CEP72: variants seen among roughly 807,000 people sequenced by gnomAD.
The protein encoded by CEP72 is centrosomal protein of 72 kDa.
In CEP72, 78 loss-of-function variants were observed where a neutral mutation model predicts 65.7. The ratio of observed to expected loss-of-function variants is 1.19; its 90% confidence interval spans 0.99 to 1.43. The LOEUF (loss-of-function observed/expected upper bound fraction) is 1.43, where lower values mean the gene tolerates loss of function less well. Among genes scored for constraint, CEP72 ranks in the 40% most tolerant of loss-of-function variants. CEP72 has a pLI of 0.00. For synonymous variants in CEP72, 358 were observed against 351.7 expected (o/e 1.02, Z -0.20); for missense variants, 914 against 832.9 (o/e 1.10, Z -1.20).
chr5:642,613 T>C (rs1580000631), intron 9 of CEP72: 1 of 985,470 alleles, frequency 1.0e-6, no homozygotes, highest in Non-Finnish European at 1.2e-6. Context: ...CGTGGACGCC[T>C]GCTTTTTTGC....
At chr5:639,852 C>A (rs1737884969) in intron 8 of CEP72, among the ~76,000 whole-genome samples, 1 of 152,052 alleles carries the variant, frequency 6.6e-6, no homozygotes, top group Non-Finnish European at 1.5e-5. Context: ...TCCCCGCAGA[C>A]CCTGGGCACG....
At chr5:633,396 A>G (rs1391125602) in intron 4 of CEP72, among the ~76,000 whole-genome samples, 17 of 113,648 alleles carry the variant, frequency 1.5e-4, no homozygotes, top group South Asian at 6.2e-4. Context: ...GCTGGATTTG[A>G]CCCAGTCCTG....
chr5:648,038 G>A (rs556593445), intron 11 of CEP72, 122 bp downstream of exon 11: 23 of 632,246 alleles, frequency 3.6e-5, no homozygotes, highest in African/African-American at 1.5e-4. Context: ...AGTCTTGGCC[G>A]ATGATATCCA....
intron 9 of CEP72, chr5:641,513 C>T (rs1738021044): frequency 1.0e-6 from 1 of 984,064 alleles, no homozygotes; most frequent in South Asian, 4.7e-5. Flanking sequence ...ACAACGCTTC[C>T]TCTTTAGAGA....
At chr5:664,187 G>A (rs375191867) in intron 2 of CEP72, 1 of 152,862 alleles carries the variant, frequency 6.5e-6, no homozygotes, top group East Asian at 1.9e-4. Flanking sequence ...AGCAAACAGG[G>A]TGCAGCTAGT....
rs562299954 is a variant in CEP72, at chr5:612,408, G to A, written c.47G>A (p.Arg16Gln). Residue 16 changes from arginine to glutamine, a missense_variant, in exon 1 of 12, where the codon CGG (arginine) becomes CAG (glutamine). Physicochemically the swap from Arg to Gln is conservative, Grantham distance 43. Transcript: ENST00000264935. ...PRLVLSEEAV[R>Q]AKSGLGPHRD... ...CTGGTGCTGAGCGAGGAGGCGGTTC[G>A]GGCGAAGAGCGGCTTAGGGCCTCAC... is the stretch of plus-strand genomic sequence containing the variant. 1.9e-5 allele frequency: 28 copies of A among 1,489,038 alleles called. No homozygotes were observed. The East Asian group carries it at 4.0e-4, about 21-fold the overall frequency. The allele number at this position is 1,489,038 out of a possible 1,614,324, so 92.2% of individuals were successfully genotyped here. A position where few individuals can be genotyped will look rare whatever the true frequency, so the allele number is the denominator to read the frequency against.
intron 9 of CEP72, 162 bp downstream of exon 9, chr5:640,766 G>T (rs996687630): frequency 1.0e-6 from 1 of 985,338 alleles, no homozygotes; most frequent in Non-Finnish European, 1.2e-6. Context: ...CCCCCGGAAC[G>T]CGGCCTGCCC....
chr5:659,610 A>C (rs960506775), downstream of CEP72, among the ~76,000 whole-genome samples: 1 of 152,174 alleles, frequency 6.6e-6, no homozygotes, highest in Non-Finnish European at 1.5e-5. Context: ...TCTAGACCCC[A>C]CCCAGGGCTA....
At chr5:649,587 CTGAGGCGTGACTGTGAGGCGTGGACTG>C (rs1738785238) in intron 11 of CEP72, among the ~76,000 whole-genome samples, 1 of 82,184 alleles carries the variant, frequency 1.2e-5, no homozygotes. Context: ...TGAGGCGTGA[CTGAGGCGTGACTGTGAGGCGTGGACTG>C]TGAGGCGTGG....
chr5:619,243 C>A (rs1331798780), intron 2 of CEP72, 126 bp downstream of exon 2: 3 of 836,342 alleles, frequency 3.6e-6, no homozygotes, highest in East Asian at 2.5e-5. Context: ...CTTTGTGTTG[C>A]GTATTTTTGT....
intron 9 of CEP72, chr5:641,237 A>G: frequency 1.0e-6 from 1 of 985,350 alleles, no homozygotes; most frequent in Non-Finnish European, 1.2e-6. Context: ...GGCTCCCTCC[A>G]CGCTGCAAGG....
rs1738362977 is a variant in CEP72, at chr5:645,552, T to G, written c.1666+1127T>G. ...TGGGCTTTCTCTGGGTGCGCTGTTT[T>G]CCCCCATGCCCCAAAGCTGTGCACG... On this transcript the variant is annotated intron_variant, in intron 10 of 11. Transcript: ENST00000264935. This position sits in a 1 kb window ranked among gnomAD's most constrained non-coding sequence, Gnocchi z 4.0. Among the ~76,000 whole-genome samples the G allele has an allele frequency of 1.3e-5, 2 of 151,944 alleles. No individual in the cohort carries two copies. Among genetic ancestry groups the G allele is most frequent in the Non-Finnish European group, 2.9e-5 (2 of 67,994 alleles).
intron 9 of CEP72, chr5:644,082 C>G: frequency 1.9e-6 from 1 of 535,130 alleles, no homozygotes; most frequent in East Asian, 3.3e-5. Flanking sequence ...TTCCATCCCT[C>G]TCCTCACTTC....
chr5:654,144 CGCTTGCTGTGTGT>C (rs1480389914), downstream of CEP72, among the ~76,000 whole-genome samples: 1 of 128,518 alleles, frequency 7.8e-6, no homozygotes, highest in Non-Finnish European at 1.6e-5. Context: ...TAGCTGTGTG[CGCTTGCTGTGTGT>C]GCTCTGTGCG....
rs779980548 is a variant in CEP72, at chr5:653,047, A to G, written c.1838A>G (p.His613Arg). ...GAGCTGAGCCAGGTGCGGGCGCAGC[A>G]CAGAGCCGAGGTGGAGCAGATGCAC... Reference protein sequence around the residue: ...LQELSQVRAQHRAEVEQMHWS... With the variant: ...LQELSQVRAQRRAEVEQMHWS... Residue 613 changes from histidine to arginine, a missense_variant, in exon 12 of 12, where the codon CAC (histidine) becomes CGC (arginine). Physicochemically the swap from His to Arg is conservative, Grantham distance 29. Transcript: ENST00000264935. 6.2e-7 allele frequency: 1 copy of G among 1,613,920 alleles called. No individual in the cohort carries two copies. Among genetic ancestry groups the G allele is most frequent in the South Asian group, 1.1e-5 (1 of 91,064 alleles).
downstream of CEP72, among the ~76,000 whole-genome samples, chr5:669,102 G>A (rs74856554): frequency 0.011 from 1,689 of 152,340 alleles, 28 homozygotes; most frequent in African/African-American, 0.038. Flanking sequence ...AGACCCTCAC[G>A]CCTCATGGGG....
chr5:621,097 G>A (rs991232708), intron 3 of CEP72, among the ~76,000 whole-genome samples: 7 of 152,152 alleles, frequency 4.6e-5, no homozygotes, highest in East Asian at 1.9e-4. Context: ...TTGACATGTC[G>A]TGGTGGGGAG....
chr5:615,945 C>G (rs904541222), intron 1 of CEP72, among the ~76,000 whole-genome samples: 31 of 152,184 alleles, frequency 2.0e-4, no homozygotes, highest in Non-Finnish European at 5.9e-5. Context: ...ACTTTATCAC[C>G]ATTTAGGTCT....
At chr5:652,928 AG>A (rs2126832734) in intron 11 of CEP72, 59 bp from the exon 12 acceptor site, 1 of 1,479,170 alleles carries the variant, frequency 6.8e-7, no homozygotes, top group Non-Finnish European at 9.0e-7. Context: ...CCAGCAGGTG[AG>A]GGCCACACCG....
Sources: gnomAD v4.1 joint callset for allele counts (sites outside exome capture counted in the v4.1 genomes callset) on GRCh38, gnomAD v4.1.1 for gene constraint, Gnocchi (gnomAD v3.1) non-coding constraint, MANE v1.5 for transcripts, NCBI Gene and HGNC (gene_info 2026-07-23, HGNC 2026-07-21) for gene names.